Variants in TMTC1 observed in about 807,000 individuals in gnomAD.
The protein encoded by TMTC1 is transmembrane O-mannosyltransferase targeting cadherins 1.
TMTC1 carries 73 observed loss-of-function variants against 104.8 expected under a neutral mutation model. The ratio of observed to expected loss-of-function variants is 0.70; its 90% CI spans 0.58 to 0.85. TMTC1 has a LOEUF of 0.85. Among genes scored for constraint, TMTC1 ranks in the 40% least tolerant of loss-of-function variants. The pLI is 0.00. For missense variants in TMTC1, 1,035 were observed against 1,096.1 expected (o/e 0.94, Z 0.79); for synonymous variants, 434 against 428.7 (o/e 1.01, Z -0.15).
rs2136115744 is a variant in TMTC1, at chr12:29,503,014, T to G, written c.*3832A>C. On this transcript the variant is annotated 3_prime_UTR_variant, in exon 18 of 18. Coordinates refer to ENST00000539277, the MANE Select transcript of TMTC1 (RefSeq NM_001193451.2). ...AAACCCACATTTGCTCTGTTTCGCC[T>G]CAGAGTACAGTTATTGTGGGTCAGT... 1 of 152,340 alleles carries G rather than the reference T, an allele frequency of 6.6e-6. No individual in the cohort carries two copies. The highest frequency in any genetic ancestry group is 3.4e-3 in the Middle Eastern group (1 of 294). 9.4% of individuals were successfully genotyped at this position (152,340 alleles called of 1,614,324 possible). A position where few individuals can be genotyped will look rare whatever the true frequency, so the allele number is the denominator to read the frequency against.
At chr12:29,685,621 A>C (rs1941067291) in intron 5 of TMTC1, among the ~76,000 whole-genome samples, 1 of 152,128 alleles carries the variant, frequency 6.6e-6, no homozygotes, top group South Asian at 2.1e-4. Context: ...TTTTCTATTA[A>C]AAAAACATAA....
At chr12:29,586,342 T>C (rs367613508) in intron 7 of TMTC1, among the ~76,000 whole-genome samples, 3 of 152,052 alleles carry the variant, frequency 2.0e-5, no homozygotes, top group Non-Finnish European at 4.4e-5. Context: ...TGGGCTGAGA[T>C]GATGGGGTTT....
intron 7 of TMTC1, among the ~76,000 whole-genome samples, chr12:29,601,963 G>A (rs1044113449): frequency 2.7e-5 from 4 of 150,448 alleles, no homozygotes; most frequent in Non-Finnish European, 4.4e-5. Flanking sequence ...AGCCTCCAGA[G>A]TAGCTAGGAC....
At chr12:29,662,601 GATCGT>G in intron 5 of TMTC1, among the ~76,000 whole-genome samples, 1 of 147,180 alleles carries the variant, frequency 6.8e-6, no homozygotes, top group Non-Finnish European at 1.5e-5. Flanking sequence ...AGTGAGCCGA[GATCGT>G]GCCACTACAC....
intron 10 of TMTC1, among the ~76,000 whole-genome samples, chr12:29,544,349 C>T (rs1339310670): frequency 6.6e-6 from 1 of 152,102 alleles, no homozygotes; most frequent in Non-Finnish European, 1.5e-5. Context: ...ACTTGCCTCC[C>T]TCCCACCCCC....
At chr12:29,753,163 C>T (rs1364394494) in intron 4 of TMTC1, among the ~76,000 whole-genome samples, 2 of 152,172 alleles carry the variant, frequency 1.3e-5, no homozygotes, top group Non-Finnish European at 2.9e-5. Context: ...TCAAGAACCA[C>T]CTAGTGCTAA....
intron 5 of TMTC1, among the ~76,000 whole-genome samples, chr12:29,684,861 T>C (rs756777445): frequency 2.8e-4 from 43 of 152,318 alleles, no homozygotes; most frequent in Middle Eastern, 3.4e-3. Context: ...GACTGGTTAT[T>C]GTGAACACAA....
At chr12:29,645,042 G>A (rs1359481554) in intron 5 of TMTC1, among the ~76,000 whole-genome samples, 1 of 152,158 alleles carries the variant, frequency 6.6e-6, no homozygotes, top group Non-Finnish European at 1.5e-5. Flanking sequence ...TAAAACAGAA[G>A]CTCCTCAGGA....
chr12:29,613,274 G>A (rs980358610), intron 6 of TMTC1, among the ~76,000 whole-genome samples: 1 of 152,144 alleles, frequency 6.6e-6, no homozygotes, highest in Non-Finnish European at 1.5e-5. Flanking sequence ...GGTACACCTA[G>A]GACCCCCACC....
chr12:29,555,101 T>A (rs1166913806), intron 10 of TMTC1, among the ~76,000 whole-genome samples: 1 of 150,718 alleles, frequency 6.6e-6, no homozygotes, highest in Admixed American at 6.6e-5. Flanking sequence ...TGCTTCACAA[T>A]CTATAAAGGG....
intron 14 of TMTC1, among the ~76,000 whole-genome samples, chr12:29,516,691 G>C (rs1042847556): frequency 6.6e-6 from 1 of 152,166 alleles, no homozygotes; most frequent in Non-Finnish European, 1.5e-5. Flanking sequence ...ATGCATTTGT[G>C]AGTGAGTGGC....
intron 9 of TMTC1, among the ~76,000 whole-genome samples, chr12:29,563,543 T>C (rs923909279): frequency 6.6e-6 from 1 of 152,110 alleles, no homozygotes; most frequent in Admixed American, 6.5e-5. Context: ...ACTCCTGATA[T>C]ATAATGGGCA....
intron 10 of TMTC1, among the ~76,000 whole-genome samples, chr12:29,539,144 C>A (rs1378056359): frequency 6.6e-6 from 1 of 152,126 alleles, no homozygotes; most frequent in African/African-American, 2.4e-5. Context: ...GGCTTTGACA[C>A]AATAACTTAG....
At chr12:29,552,471 C>T (rs1945131580) in intron 10 of TMTC1, among the ~76,000 whole-genome samples, 1 of 152,040 alleles carries the variant, frequency 6.6e-6, no homozygotes, top group Non-Finnish European at 1.5e-5. Flanking sequence ...ACATGTATGG[C>T]TCTCATTTCT....
intron 5 of TMTC1, among the ~76,000 whole-genome samples, chr12:29,699,910 G>A (rs565634923): frequency 1.1e-4 from 16 of 151,986 alleles, no homozygotes; most frequent in South Asian, 1.0e-3. Context: ...CCAAAATGCC[G>A]GGATTACAGG....
chr12:29,597,192 A>G (rs1482574875), intron 7 of TMTC1, among the ~76,000 whole-genome samples: 1 of 142,306 alleles, frequency 7.0e-6, no homozygotes, highest in Non-Finnish European at 1.5e-5. Flanking sequence ...GTCCATGTGA[A>G]CTTTTTTTTT....
intron 5 of TMTC1, among the ~76,000 whole-genome samples, chr12:29,637,051 A>T (rs1326720046): frequency 1.3e-5 from 2 of 151,038 alleles, no homozygotes; most frequent in Non-Finnish European, 2.9e-5. Flanking sequence ...ATAGAGCAAG[A>T]TCCTGTTTCA....
chr12:29,775,109 G>T (rs1181909587), intron 1 of TMTC1, among the ~76,000 whole-genome samples: 2 of 152,146 alleles, frequency 1.3e-5, no homozygotes, highest in Non-Finnish European at 2.9e-5. Flanking sequence ...AATATATCTG[G>T]AAGGTAGCAA....
At chr12:29,730,021 C>T (rs1026957120) in intron 5 of TMTC1, among the ~76,000 whole-genome samples, 4 of 152,124 alleles carry the variant, frequency 2.6e-5, no homozygotes, top group Admixed American at 6.5e-5. Context: ...TTACATATAG[C>T]GGACATGCCA....
Sources: allele counts gnomAD v4.1 joint callset (sites outside exome capture counted in the v4.1 genomes callset), GRCh38; gene constraint gnomAD v4.1.1; transcripts MANE v1.5; gene names NCBI Gene and HGNC (gene_info 2026-07-23, HGNC 2026-07-21).